TAF12: variants seen among roughly 807,000 people sequenced by gnomAD.
TAF12 encodes transcription initiation factor TFIID subunit 12.
A neutral mutation model predicts 20.8 loss-of-function variants in TAF12; 3 were observed. That is an observed-to-expected ratio of 0.14 (90% CI 0.07 to 0.37). TAF12 has a LOEUF of 0.37. Among genes scored for constraint, TAF12 ranks in the 10% least tolerant of loss-of-function variants. TAF12 has a pLI of 1.00. For synonymous variants in TAF12, 69 were observed against 70.2 expected, an observed-to-expected ratio of 0.98 and a Z score of 0.09; for missense variants, 131 against 197.9, an observed-to-expected ratio of 0.66 and a Z score of 2.03.
intron 1 of TAF12, among the ~76,000 whole-genome samples, chr1:28,636,348 T>C (rs141176665): frequency 6.6e-4 from 96 of 144,380 alleles, no homozygotes; most frequent in African/African-American, 2.4e-3. Flanking sequence ...CAACAAAAGG[T>C]AGTATAGTGT....
At chr1:28,605,600 A>G in intron 4 of TAF12, 140 bp from the exon 5 acceptor site, 1 of 762,580 alleles carries the variant, frequency 1.3e-6, no homozygotes, top group Non-Finnish European at 2.1e-6. Context: ...ACAAATAGGG[A>G]AAATGGACAT....
rs1668092882 is a variant in TAF12 at position 28,643,061 on chromosome 1, T to A, written c.-154A>T. The A allele has an allele frequency of 1.0e-6, 1 of 985,870 alleles. No individual in the cohort carries two copies. Among genetic ancestry groups the A allele is most frequent in the Non-Finnish European group, 1.2e-6 (1 of 829,950 alleles). 61.1% of individuals were successfully genotyped at this position (985,870 alleles called of 1,614,324 possible). A position where few individuals can be genotyped will look rare whatever the true frequency, so the allele number is the denominator to read the frequency against. ...GTGAAGCGTTCGTCTCAGCAGCCGG[T>A]CCGACTGCGCGGCCCTCCCCGACTA... is the stretch of plus-strand genomic sequence containing the variant. On this transcript the variant is annotated 5_prime_UTR_variant, in exon 1 of 6. Transcript: ENST00000373824.
intron 3 of TAF12, among the ~76,000 whole-genome samples, chr1:28,616,506 G>A (rs1299831926): frequency 6.6e-6 from 1 of 151,568 alleles, no homozygotes; most frequent in African/African-American, 2.4e-5. Flanking sequence ...GCCGAGGTGG[G>A]TGAATCACCT....
intron 1 of TAF12, among the ~76,000 whole-genome samples, chr1:28,641,767 C>A (rs532734898): frequency 7.5e-6 from 1 of 132,796 alleles, no homozygotes; most frequent in South Asian, 2.3e-4. Flanking sequence ...GCACTTCAGA[C>A]TGGGCGACAG....
chr1:28,633,578 A>T (rs1667713686), intron 1 of TAF12, among the ~76,000 whole-genome samples: 1 of 148,202 alleles, frequency 6.7e-6, no homozygotes, highest in South Asian at 2.2e-4. Context: ...GGAGTTCAAG[A>T]CCAGTTTGGC....
At chr1:28,641,786 C>A (rs1668043485) in intron 1 of TAF12, among the ~76,000 whole-genome samples, 2 of 126,172 alleles carry the variant, frequency 1.6e-5, no homozygotes, top group South Asian at 4.9e-4. Context: ...AGAGAGAGAA[C>A]CTGTCTCAAA....
chr1:28,617,981 T>C lies in TAF12; in HGVS notation c.218A>G (p.Asn73Ser), dbSNP rs767780832. Reference sequence around the variant, plus strand: ...CTCCACATCTTCATCCAACTGCTCATTAGGATCCACTTCTCTTACTAAGTC... The same window carrying C: ...CTCCACATCTTCATCCAACTGCTCACTAGGATCCACTTCTCTTACTAAGTC... Reference protein sequence around the residue: ...LQDLVREVDPNEQLDEDVEEM... With the variant: ...LQDLVREVDPSEQLDEDVEEM... The change falls in exon 3 of 6, where the codon AAT becomes AGT. Residue 73 changes from asparagine (N) to serine (S), a missense_variant. Physicochemically the swap from Asn to Ser is conservative, Grantham distance 46 (BLOSUM62 1). Around this residue, in one of 3 missense-constraint regions of TAF12, gnomAD observed 8 missense variants for 35.6 expected, o/e 0.22. Transcript: ENST00000373824. The C allele has an allele frequency of 6.2e-7, 1 of 1,614,048 alleles. No individual in the cohort carries two copies. Among genetic ancestry groups the C allele is most frequent in the Non-Finnish European group, 8.5e-7 (1 of 1,179,980 alleles).
At chr1:28,607,718 T>G (rs1174230960) in intron 4 of TAF12, among the ~76,000 whole-genome samples, 1 of 151,910 alleles carries the variant, frequency 6.6e-6, no homozygotes, top group African/African-American at 2.4e-5. Flanking sequence ...TGTGCACCTG[T>G]AGTCCCAACT....
chr1:28,645,339 CTT>C (rs1171697773), upstream of TAF12, among the ~76,000 whole-genome samples: 3 of 137,712 alleles, frequency 2.2e-5, no homozygotes, highest in South Asian at 2.4e-4. Flanking sequence ...CCGGCCTCTT[CTT>C]TTTTTTTTTT....
intron 4 of TAF12, among the ~76,000 whole-genome samples, chr1:28,608,963 T>G (rs1666765144): frequency 6.6e-6 from 1 of 151,840 alleles, no homozygotes; most frequent in Admixed American, 6.6e-5. Flanking sequence ...AAGAAAGAAA[T>G]AATAAAGACA....
intron 5 of TAF12, among the ~76,000 whole-genome samples, chr1:28,605,029 G>A (rs967521099): frequency 1.3e-5 from 2 of 152,108 alleles, no homozygotes; most frequent in African/African-American, 4.8e-5. Flanking sequence ...ACCATATATG[G>A]TGTTGCAATC....
chr1:28,620,460 G>A (rs1013345953), intron 2 of TAF12, among the ~76,000 whole-genome samples: 2 of 150,630 alleles, frequency 1.3e-5, no homozygotes, highest in African/African-American at 4.9e-5. Context: ...TTTTGCAACA[G>A]AGTCTCGCTC....
In TAF12 at chr1:28,603,150, A is replaced by G. The variant is rs961790936; in HGVS notation, c.*389T>C. 1 of 177,692 alleles carries G rather than the reference A, an allele frequency of 5.6e-6. No homozygotes were observed. Among genetic ancestry groups the G allele is most frequent in the Non-Finnish European group, 1.2e-5 (1 of 84,354 alleles). The allele number at this position is 177,692 out of a possible 1,614,324, so 11.0% of individuals were successfully genotyped here. A position where few individuals can be genotyped will look rare whatever the true frequency, so the allele number is the denominator to read the frequency against. Reference sequence around the variant, plus strand: ...AAGCAAATGAAAGTCATATTCATATAAACACTGACATTACAAAGTACAGGG... The same window carrying G: ...AAGCAAATGAAAGTCATATTCATATGAACACTGACATTACAAAGTACAGGG... On this transcript the variant is annotated 3_prime_UTR_variant, in exon 6 of 6. Transcript: ENST00000373824.
chr1:28,626,159 A>G (rs970362024), intron 1 of TAF12, among the ~76,000 whole-genome samples: 1 of 151,256 alleles, frequency 6.6e-6, no homozygotes, highest in Non-Finnish European at 1.5e-5. Context: ...TTGTATTTTT[A>G]GTAGAGGAGG....
In TAF12 at chr1:28,638,757, A is replaced by AT. The variant is rs560503693; in HGVS notation, c.-85+4234dup. Among the ~76,000 whole-genome samples the AT allele has an allele frequency of 3.7e-4, 54 of 146,022 alleles. 3 individuals carry two copies. In the East Asian group the frequency reaches 1.0e-2, roughly 27 times the overall value. ...CACATCAGCCTCCCAAAGTGCTAGGATTACAGGCATGAGCCACCTCACCTG... is the reference window on the plus strand; with the variant it reads ...CACATCAGCCTCCCAAAGTGCTAGGATTTACAGGCATGAGCCACCTCACCTG... On this transcript the variant is annotated intron_variant, in intron 1 of 5. Coordinates refer to ENST00000373824, the MANE Select transcript of TAF12 (RefSeq NM_005644.4).
intron 1 of TAF12, among the ~76,000 whole-genome samples, chr1:28,636,461 A>G (rs1238634113): frequency 6.6e-6 from 1 of 152,100 alleles, no homozygotes; most frequent in Non-Finnish European, 1.5e-5. Context: ...TAATCTCTTT[A>G]TGCCTCAATT....
chr1:28,617,832 A>G (rs1162342991), intron 3 of TAF12, 121 bp downstream of exon 3: 5 of 951,844 alleles, frequency 5.3e-6, no homozygotes, highest in Non-Finnish European at 8.3e-6. Context: ...GGTTCCAGCA[A>G]TCCTCCTGCT....
At chr1:28,641,463 ACT>A (rs1195109209) in intron 1 of TAF12, among the ~76,000 whole-genome samples, 1 of 151,982 alleles carries the variant, frequency 6.6e-6, no homozygotes, top group African/African-American at 2.4e-5. Flanking sequence ...AGCCTGGGTG[ACT>A]CTGTCTCAAA....
At chr1:28,604,435 C>T (rs998409832) in intron 5 of TAF12, among the ~76,000 whole-genome samples, 2 of 152,214 alleles carry the variant, frequency 1.3e-5, no homozygotes, top group African/African-American at 4.8e-5. Flanking sequence ...TTACTAGCTA[C>T]TAGCCAAATT....
Sources: gnomAD v4.1 joint callset for allele counts (sites outside exome capture counted in the v4.1 genomes callset) on GRCh38, gnomAD v4.1.1 for gene constraint, gnomAD v4.1.1 regional missense constraint, MANE v1.5 for transcripts, NCBI Gene and HGNC (gene_info 2026-07-23, HGNC 2026-07-21) for gene names.